Variants in TBK1 observed in about 807,000 individuals in gnomAD.
TBK1 encodes the protein TANK binding kinase 1, also known as serine/threonine-protein kinase TBK1.
Under a neutral mutation model 99.9 loss-of-function variants are expected in TBK1, and 37 were observed. The ratio of observed to expected loss-of-function variants is 0.37; its 90% CI spans 0.28 to 0.49. The LOEUF (loss-of-function observed/expected upper bound fraction) is 0.49, where lower values mean the gene tolerates loss of function less well. Ranked by LOEUF, TBK1 falls within the 20% of genes least tolerant of loss-of-function variation. The probability of loss-of-function intolerance (pLI) is 0.98; values close to 1 mark genes in which losing one functional copy is unlikely to be tolerated. For missense variants in TBK1, 644 were observed against 872.5 expected (o/e 0.74, Z 3.30); for synonymous variants, 258 against 279.8 (o/e 0.92, Z 0.78).
Position 64,501,290 on chromosome 12 carries a change from C to CT in TBK1, c.2139-36dup, listed in dbSNP as rs148806169. 4.6e-4 allele frequency: 746 copies of CT among 1,608,650 alleles called. 1 individual carries two copies. In the African/African-American group the frequency reaches 9.0e-3, roughly 19 times the overall value. ...TGGGGGCCTTTATACATAAATGCAA[C>CT]TTTTGAGATTACCTTTTTTTCTTTG... On this transcript the variant is annotated intron_variant, in intron 20 of 20. Transcript: ENST00000331710.
chr12:64,464,931 T>C (rs1325893509), intron 4 of TBK1, among the ~76,000 whole-genome samples: 1 of 151,924 alleles, frequency 6.6e-6, no homozygotes, highest in African/African-American at 2.4e-5. Context: ...TTTATACCAA[T>C]GAAAATGACT....
chr12:64,492,545 A>C (rs2040879683), intron 13 of TBK1, among the ~76,000 whole-genome samples: 1 of 152,180 alleles, frequency 6.6e-6, no homozygotes, highest in Non-Finnish European at 1.5e-5. Context: ...ACCTCAGGTG[A>C]TCCGCCCGCC....
Position 64,464,521 on chromosome 12 carries a change from T to TA in TBK1, c.358+64dup, listed in dbSNP as rs369265707. 166 of 1,368,366 alleles carry TA rather than the reference T, an allele frequency of 1.2e-4. No homozygotes were observed. The African/African-American group carries it at 2.2e-3, about 18-fold the overall frequency. 84.8% of individuals were successfully genotyped at this position (1,368,366 alleles called of 1,614,324 possible). A position where few individuals can be genotyped will look rare whatever the true frequency, so the allele number is the denominator to read the frequency against. ...ATATAAAATTTAATAACAGAATTTT[T>TA]AAAAAATATCTTCCATTCAAAACTG... On this transcript the variant is annotated intron_variant, in intron 4 of 20. Coordinates refer to ENST00000331710, the MANE Select transcript of TBK1 (RefSeq NM_013254.4).
chr12:64,454,716 A>G (rs1204272520), intron 1 of TBK1, among the ~76,000 whole-genome samples: 3 of 113,332 alleles, frequency 2.6e-5, no homozygotes, highest in African/African-American at 3.5e-5. Flanking sequence ...TCGCTGTGTC[A>G]CCCAGCCTGG....
chr12:64,474,537 G>A, intron 6 of TBK1, 147 bp downstream of exon 6: 1 of 770,922 alleles, frequency 1.3e-6, no homozygotes, highest in Non-Finnish European at 2.0e-6. Flanking sequence ...TAAAAAGAAT[G>A]CAGCCTTATA....
chr12:64,455,983 C>T, intron 2 of TBK1, 26 bp downstream of exon 2: 1 of 1,510,884 alleles, frequency 6.6e-7, no homozygotes, highest in Non-Finnish European at 9.1e-7. Flanking sequence ...ACTTTGAAGA[C>T]CTTTTATCAC....
Position 64,501,317 on chromosome 12 carries a change from G to A in TBK1, c.2139-13G>A. 1 of 1,612,730 alleles carries A rather than the reference G, an allele frequency of 6.2e-7. No homozygotes were observed. Among genetic ancestry groups the A allele is most frequent in the Non-Finnish European group, 8.5e-7 (1 of 1,179,570 alleles). On this transcript the variant is annotated splice_polypyrimidine_tract_variant and intron_variant, in intron 20 of 20. Coordinates refer to ENST00000331710, the MANE Select transcript of TBK1 (RefSeq NM_013254.4). ...TTTGAGATTACCTTTTTTTCTTTGT[G>A]TGTGTGTTTTAGGTTTGGCTCTTTA...
rs762688561 is a variant in TBK1 at position 64,484,303 on chromosome 12, T to C, written c.993T>C (p.Thr331=). Residue 331 remains threonine, a splice_region_variant and synonymous_variant, in exon 9 of 21, where the codon ACT becomes ACC. Coordinates refer to ENST00000331710, the MANE Select transcript of TBK1 (RefSeq NM_013254.4). The part of the protein sequence containing the change: ...AHKIYIHSYN[T]ATIFHELVYK... ...GTCCTTTTGAATTTTTCTCACACAG[T>C]GCTACTATATTTCATGAACTGGTAT... 25 of 1,602,792 alleles carry C rather than the reference T, an allele frequency of 1.6e-5. No homozygotes were observed. The South Asian group carries it at 2.7e-4, about 17-fold the overall frequency.
intron 8 of TBK1, 117 bp downstream of exon 8, chr12:64,482,138 TGGAAAA>T (rs1473598364): frequency 1.7e-6 from 1 of 600,028 alleles, no homozygotes; most frequent in East Asian, 3.5e-5. Context: ...ATTTCCCACA[TGGAAAA>T]TTATATTTAA....
chr12:64,460,776 G>C (rs2040540160), intron 3 of TBK1, among the ~76,000 whole-genome samples: 1 of 149,898 alleles, frequency 6.7e-6, no homozygotes, highest in South Asian at 2.1e-4. Flanking sequence ...AGAGGTCACA[G>C]TGAGCTGAGA....
Position 64,474,125 on chromosome 12 carries a change from T to C in TBK1, c.541-105T>C, listed in dbSNP as rs1037695967. The C allele has an allele frequency of 7.1e-6, 8 of 1,124,142 alleles. No homozygotes were observed. The African/African-American group carries it at 9.4e-5, about 13-fold the overall frequency. 69.6% of individuals were successfully genotyped at this position (1,124,142 alleles called of 1,614,324 possible). ...TTTTCAGATTGGGAAAGTGAAGTTA[T>C]TAGGAAAACAAAATAGAATTTCTAA... On this transcript the variant is annotated intron_variant, in intron 5 of 20. Transcript: ENST00000331710.
Position 64,495,792 on chromosome 12 carries a change from A to G in TBK1, c.1720+17A>G, listed in dbSNP as rs1215940939. 1.3e-6 allele frequency: 2 copies of G among 1,525,664 alleles called. No homozygotes were observed. The highest frequency in any genetic ancestry group is 1.8e-6 in the Non-Finnish European group (2 of 1,135,014). 94.5% of individuals were successfully genotyped at this position (1,525,664 alleles called of 1,614,324 possible). On this transcript the variant is annotated intron_variant, in intron 15 of 20. Coordinates refer to ENST00000331710, the MANE Select transcript of TBK1 (RefSeq NM_013254.4). ...CAGAACGTAGTAAGTAAAATTTGCT[A>G]TTTGTTAATTTAATAAATCCCTCTT...
At position 64,497,691 on chromosome 12, in the gene TBK1, G is replaced by A. The variant is rs1250363171; in HGVS notation, c.2003G>A (p.Gly668Glu). ...LPQKMFTASS[G>E]IKHTMTPIYP... is the part of the protein sequence containing the mutation. ...CAGAAAATGTTTACAGCTTCCAGTG[G>A]AATCAAACATACCATGACCCCAATT... is the stretch of plus-strand genomic sequence containing the variant. Residue 668 changes from glycine to glutamate, a missense_variant, in exon 19 of 21, where the codon GGA becomes GAA. Gly to Glu is a moderately conservative substitution (Grantham distance 98). Around this residue, in one of 3 missense-constraint regions of TBK1, gnomAD observed 465 missense variants for 588.0 expected, o/e 0.79. Coordinates refer to ENST00000331710, the MANE Select transcript of TBK1 (RefSeq NM_013254.4). The A allele has an allele frequency of 1.2e-6, 2 of 1,606,168 alleles. No homozygotes were observed.
At chr12:64,457,576 T>G (rs1159861220) in intron 2 of TBK1, among the ~76,000 whole-genome samples, 1 of 152,228 alleles carries the variant, frequency 6.6e-6, no homozygotes, top group Admixed American at 6.5e-5. Flanking sequence ...TTAGCTATAC[T>G]GCACATTAAC....
In TBK1 at chr12:64,497,648, T is replaced by A; in HGVS notation, c.1960T>A (p.Leu654Ile). ...TTTTTTTTTTTTTTTGATGTTTCAG[T>A]TACAAGAAACTCTGCCTCAGAAAAT... is the stretch of plus-strand genomic sequence containing the variant. ...VSKYQEYTNE[L>I]QETLPQKMFT... The change falls in exon 19 of 21, where the codon TTA becomes ATA. Residue 654 changes from leucine (L) to isoleucine (I), a missense_variant and splice_region_variant. Around this residue, in one of 3 missense-constraint regions of TBK1, gnomAD observed 465 missense variants for 588.0 expected, o/e 0.79. Transcript: ENST00000331710. 6.7e-7 allele frequency: 1 copy of A among 1,500,350 alleles called. No individual in the cohort carries two copies. 92.9% of individuals were successfully genotyped at this position (1,500,350 alleles called of 1,614,324 possible).
At chr12:64,471,722 T>A (rs951289726) in intron 5 of TBK1, among the ~76,000 whole-genome samples, 1 of 152,170 alleles carries the variant, frequency 6.6e-6, no homozygotes, top group African/African-American at 2.4e-5. Flanking sequence ...GGAGTAGCTT[T>A]ATCCTTATGC....
chr12:64,495,545 A>G lies in TBK1; in HGVS notation c.1584A>G (p.Pro528=), dbSNP rs1592375893. The change falls in exon 14 of 21, where the codon CCA becomes CCG. Residue 528 remains proline (P), a synonymous_variant. Coordinates refer to ENST00000331710, the MANE Select transcript of TBK1 (RefSeq NM_013254.4). The part of the protein sequence containing the change: ...SLQDIDSRLS[P]GGSLADAWAH... ...AGGATATCGACAGCAGATTATCTCC[A>G]GGTGGATCACTGGCAGACGCATGGG... 6.8e-6 allele frequency: 11 copies of G among 1,614,010 alleles called. No individual in the cohort carries two copies. Among genetic ancestry groups the G allele is most frequent in the South Asian group, 1.1e-5 (1 of 91,094 alleles).
intron 11 of TBK1, among the ~76,000 whole-genome samples, chr12:64,486,654 A>G (rs985234396): frequency 6.6e-6 from 1 of 151,742 alleles, no homozygotes; most frequent in Non-Finnish European, 1.5e-5. Flanking sequence ...GGCTGGTCTC[A>G]AACTCTTGGG....
chr12:64,487,062 A>G (rs758768744), intron 11 of TBK1, among the ~76,000 whole-genome samples: 1 of 152,236 alleles, frequency 6.6e-6, no homozygotes, highest in Non-Finnish European at 1.5e-5. Flanking sequence ...CTGGTTATCT[A>G]GTTTAAGTAG....
Sources: gnomAD v4.1 joint callset for allele counts (sites outside exome capture counted in the v4.1 genomes callset) on GRCh38, gnomAD v4.1.1 for gene constraint, gnomAD v4.1.1 regional missense constraint, MANE v1.5 for transcripts, NCBI Gene and HGNC (gene_info 2026-07-23, HGNC 2026-07-21) for gene names.